Variants in NUP35 observed in about 807,000 individuals in gnomAD.
NUP35 encodes nucleoporin 35.
NUP35 carries 25 observed loss-of-function variants against 41.5 expected under a neutral mutation model. The observed-to-expected ratio is 0.60, with a 90% confidence interval of 0.44 to 0.84. The LOEUF is 0.84. NUP35 is among the 40% of genes least tolerant of loss of function. The pLI, the probability that NUP35 is intolerant of heterozygous loss-of-function variation, is 0.00. For missense variants in NUP35, 396 were observed against 396.6 expected, an observed-to-expected ratio of 1.00 and a Z score of 0.01; for synonymous variants, 149 against 130.7, an observed-to-expected ratio of 1.14 and a Z score of -0.96.
intron 8 of NUP35, chr2:183,160,216 G>A (rs1685823880): frequency 6.6e-6 from 1 of 152,498 alleles, no homozygotes. Flanking sequence ...TGCAGAAACA[G>A]GTCCTGAAAC....
intron 2 of NUP35, 53 bp from the exon 3 acceptor site, chr2:183,130,365 A>G: frequency 6.6e-7 from 1 of 1,509,324 alleles, no homozygotes. Flanking sequence ...AATTTAAAAA[A>G]TCTTACCAAA....
chr2:183,124,162 T>C (rs1458070953), upstream of NUP35, among the ~76,000 whole-genome samples: 1 of 152,208 alleles, frequency 6.6e-6, no homozygotes, highest in Non-Finnish European at 1.5e-5. Context: ...AAATAATCTG[T>C]GCTTCTATGT....
At chr2:183,151,075 A>T (rs1385053284) in intron 4 of NUP35, among the ~76,000 whole-genome samples, 1 of 152,212 alleles carries the variant, frequency 6.6e-6, no homozygotes, top group Non-Finnish European at 1.5e-5. Context: ...TGCATACTGG[A>T]AAAGTAAGGT....
At chr2:183,151,704 GAATAT>G in intron 5 of NUP35, 55 bp downstream of exon 5, 1 of 1,517,202 alleles carries the variant, frequency 6.6e-7, no homozygotes, top group Non-Finnish European at 9.0e-7. Context: ...ATTTTATAAT[GAATAT>G]AATCAAACAT....
upstream of NUP35, among the ~76,000 whole-genome samples, chr2:183,120,465 A>T (rs1700052105): frequency 6.8e-6 from 1 of 146,600 alleles, no homozygotes; most frequent in Non-Finnish European, 1.5e-5. Flanking sequence ...AAAAAAAAAG[A>T]AAGTTTTGGC....
intron 7 of NUP35, among the ~76,000 whole-genome samples, chr2:183,159,007 A>G (rs1334918768): frequency 6.6e-6 from 1 of 152,136 alleles, no homozygotes; most frequent in Non-Finnish European, 1.5e-5. Flanking sequence ...GCTTGGTGCT[A>G]GTATACACAC....
chr2:183,127,424 A>G (rs539341477), intron 1 of NUP35, among the ~76,000 whole-genome samples: 1 of 152,206 alleles, frequency 6.6e-6, no homozygotes, highest in East Asian at 1.9e-4. Context: ...AGCTGTGATT[A>G]TTCTTGACTT....
intron 4 of NUP35, among the ~76,000 whole-genome samples, chr2:183,139,198 G>A (rs1684995635): frequency 7.1e-6 from 1 of 140,958 alleles, no homozygotes; most frequent in South Asian, 2.3e-4. Context: ...TTATGGTTTT[G>A]CATTTCTTTC....
intron 4 of NUP35, among the ~76,000 whole-genome samples, chr2:183,150,372 T>C (rs1361779778): frequency 6.6e-6 from 1 of 152,206 alleles, no homozygotes; most frequent in African/African-American, 2.4e-5. Context: ...CATCTCCTTG[T>C]TCTCATCTCA....
At chr2:183,159,846 TA>T (rs939406170) in intron 8 of NUP35, 194 bp downstream of exon 8, 8,718 of 407,196 alleles carry the variant, frequency 0.021, 47 homozygotes, top group African/African-American at 0.041. Context: ...TATCATGAAT[TA>T]AAAAAAAAAA....
chr2:183,158,440 G>T, intron 7 of NUP35, 29 bp downstream of exon 7: 1 of 1,556,570 alleles, frequency 6.4e-7, no homozygotes, highest in Non-Finnish European at 8.7e-7. Context: ...AGGCAAAGTA[G>T]CTTAATCTAT....
chr2:183,157,357 A>G (rs925574906), intron 5 of NUP35, 87 bp from the exon 6 acceptor site: 11 of 1,001,860 alleles, frequency 1.1e-5, no homozygotes, highest in African/African-American at 1.6e-5. Flanking sequence ...GTTGGGGGCC[A>G]TTTATCTTGA....
chr2:183,158,964 A>G (rs1225129340), intron 7 of NUP35, among the ~76,000 whole-genome samples: 1 of 152,180 alleles, frequency 6.6e-6, no homozygotes, highest in Non-Finnish European at 1.5e-5. Context: ...TTCTTTAAGT[A>G]TATGTGAACT....
At chr2:183,130,722 T>C (rs1684668810) in intron 3 of NUP35, among the ~76,000 whole-genome samples, 177 bp downstream of exon 3, 1 of 152,214 alleles carries the variant, frequency 6.6e-6, no homozygotes, top group Admixed American at 6.5e-5. Context: ...TGATGAACTG[T>C]ACTTAACAGT....
At position 183,133,533 on chromosome 2, in the gene NUP35, T is replaced by C. The variant is rs761703284; in HGVS notation, c.340-33T>C. ...ACACTTACTGTATTTATGTTTTGCATTTTTACCATAACACTTTCTTCTGTT... is the reference window on the plus strand; with the variant it reads ...ACACTTACTGTATTTATGTTTTGCACTTTTACCATAACACTTTCTTCTGTT... On this transcript the variant is annotated intron_variant, in intron 3 of 8. Transcript: ENST00000295119. The C allele has an allele frequency of 5.1e-6, 8 of 1,575,574 alleles. No homozygotes were observed. In the African/African-American group the frequency reaches 1.1e-4, roughly 22 times the overall value.
rs369952570 is a variant in NUP35, at chr2:183,161,074, G to A, written c.924G>A (p.Thr308=). The change falls in exon 9 of 9, where the codon ACG becomes ACA. Residue 308 remains threonine (T), a synonymous_variant. Coordinates refer to ENST00000295119, the MANE Select transcript of NUP35 (RefSeq NM_138285.5). ...SDYQVISDRQ[T]PKKDESLVSK... ...AATAGGTTATTTCTGACAGACAAAC[G>A]CCAAAAAAAGATGAAAGTCTTGTAT... is the stretch of plus-strand genomic sequence containing the variant. 4.3e-6 allele frequency: 7 copies of A among 1,611,696 alleles called. No individual in the cohort carries two copies. The highest frequency in any genetic ancestry group is 3.3e-5 in the Admixed American group (2 of 59,910).
chr2:183,137,767 TG>T, intron 4 of NUP35, among the ~76,000 whole-genome samples: 1 of 151,074 alleles, frequency 6.6e-6, no homozygotes, highest in African/African-American at 2.4e-5. Context: ...CACGCGAGCC[TG>T]GGTGACAGGG....
Position 183,128,312 on chromosome 2 carries a change from A to T in NUP35, c.66A>T (p.Ser22=). The stretch of plus-strand genomic sequence containing the variant: ...GATCTGAACCAATGATGCTGGGTTC[A>T]CCCACATCTCCAAAGCCAGGAGTTA... ...ALGSEPMMLG[S]PTSPKPGVNA... The change falls in exon 2 of 9, where the codon TCA becomes TCT. Residue 22 remains serine, a synonymous_variant. Coordinates refer to ENST00000295119, the MANE Select transcript of NUP35 (RefSeq NM_138285.5). 1 of 1,613,326 alleles carries T rather than the reference A, an allele frequency of 6.2e-7. No individual in the cohort carries two copies. The highest frequency in any genetic ancestry group is 1.3e-5 in the African/African-American group (1 of 75,004).
intron 4 of NUP35, among the ~76,000 whole-genome samples, chr2:183,137,105 T>A (rs1684901335): frequency 6.6e-6 from 1 of 151,858 alleles, no homozygotes; most frequent in Admixed American, 6.6e-5. Context: ...AAAAGAAATC[T>A]TGGAGGCCTT....
Sources: gnomAD v4.1 joint callset for allele counts (sites outside exome capture counted in the v4.1 genomes callset) on GRCh38, gnomAD v4.1.1 for gene constraint, MANE v1.5 for transcripts, NCBI Gene and HGNC (gene_info 2026-07-23, HGNC 2026-07-21) for gene names.